Variants in MARCHF11 observed in about 807,000 individuals in gnomAD.
MARCHF11 encodes E3 ubiquitin-protein ligase MARCHF11.
In MARCHF11, 29 loss-of-function variants were observed where a neutral mutation model predicts 37.3. That is an observed-to-expected ratio of 0.78 (90% CI 0.58 to 1.06). MARCHF11 has a LOEUF of 1.06. Ranked by LOEUF, MARCHF11 falls within the 50% of genes least tolerant of loss-of-function variation. The pLI, the probability that MARCHF11 is intolerant of heterozygous loss-of-function variation, is 0.00. For missense variants in MARCHF11, 482 were observed against 533.4 expected (o/e 0.90, Z 0.95); for synonymous variants, 233 against 228.0 (o/e 1.02, Z -0.20).
chr5:16,157,220 C>T (rs1330449716), intron 2 of MARCHF11, among the ~76,000 whole-genome samples: 5 of 110,862 alleles, frequency 4.5e-5, no homozygotes, highest in African/African-American at 1.0e-4. Flanking sequence ...AATGAAATCC[C>T]GTGTTTGTGG....
At chr5:16,126,945 C>T (rs1225864919) in intron 2 of MARCHF11, among the ~76,000 whole-genome samples, 3 of 152,118 alleles carry the variant, frequency 2.0e-5, no homozygotes, top group Non-Finnish European at 2.9e-5. Flanking sequence ...TTTAAGGGGT[C>T]ATAAATTTTT....
Position 16,132,349 on chromosome 5 carries a change from C to T in MARCHF11, c.694-41268G>A, listed in dbSNP as rs150291829. On this transcript the variant is annotated intron_variant, in intron 2 of 3. Transcript: ENST00000332432. ...GCCAGCCAGGTGGGTCCCAACAGTC[C>T]GACTTAGTACCTGTGCCAGGGTTCC... Among the ~76,000 whole-genome samples the T allele has an allele frequency of 1.9e-3, 294 of 152,230 alleles. 1 individual carries two copies. The highest frequency in any genetic ancestry group is 6.8e-3 in the African/African-American group (282 of 41,542).
At chr5:16,102,497 G>A (rs997362499) in intron 2 of MARCHF11, among the ~76,000 whole-genome samples, 1 of 152,148 alleles carries the variant, frequency 6.6e-6, no homozygotes, top group African/African-American at 2.4e-5. Context: ...CAACACACAC[G>A]CACAGAAGAG....
intron 2 of MARCHF11, chr5:16,141,159 C>T (rs893490033): frequency 6.6e-6 from 1 of 152,180 alleles, no homozygotes; most frequent in Non-Finnish European, 1.5e-5. Context: ...CATCTCCCTG[C>T]TTCTTCCCAC....
chr5:16,151,567 C>A, intron 2 of MARCHF11, among the ~76,000 whole-genome samples: 1 of 136,112 alleles, frequency 7.3e-6, no homozygotes, highest in African/African-American at 2.9e-5. Context: ...TGTCTCCTAG[C>A]AGAACAAAAA....
intron 2 of MARCHF11, among the ~76,000 whole-genome samples, chr5:16,115,096 T>G (rs1344532393): frequency 6.6e-6 from 1 of 152,228 alleles, no homozygotes; most frequent in African/African-American, 2.4e-5. Context: ...TCATGAATCT[T>G]GACTGCAGTA....
At position 16,177,769 on chromosome 5, in the gene MARCHF11, T is replaced by C. The variant is rs1738386986; in HGVS notation, c.650A>G (p.Tyr217Cys). ...TTTAATGGCTATAACATGGTATCTA[T>C]AACAGCAAAGTTCACAGGTCCAGGA... ...RGSWTCELCC[Y>C]RYHVIAIKMK... The change falls in exon 2 of 4, where the codon TAT becomes TGT. Residue 217 changes from tyrosine (Y) to cysteine (C), a missense_variant. Physicochemically the swap from Tyr to Cys is radical, Grantham distance 194. Transcript: ENST00000332432. The C allele has an allele frequency of 5.6e-6, 9 of 1,613,618 alleles. No individual in the cohort carries two copies. Among genetic ancestry groups the C allele is most frequent in the South Asian group, 1.1e-5 (1 of 91,010 alleles).
intron 2 of MARCHF11, among the ~76,000 whole-genome samples, chr5:16,159,319 T>C (rs998775551): frequency 2.6e-5 from 4 of 151,946 alleles, no homozygotes; most frequent in African/African-American, 9.7e-5. Flanking sequence ...CACAGTTAAA[T>C]TGATTTTCCC....
intron 3 of MARCHF11, among the ~76,000 whole-genome samples, chr5:16,077,834 T>C (rs982610005): frequency 3.3e-5 from 5 of 152,200 alleles, no homozygotes; most frequent in Non-Finnish European, 7.3e-5. Flanking sequence ...TGGTATGGTG[T>C]ATTCCGTGTT....
At chr5:16,172,875 C>T (rs890203692) in intron 2 of MARCHF11, among the ~76,000 whole-genome samples, 1 of 152,270 alleles carries the variant, frequency 6.6e-6, no homozygotes, top group Non-Finnish European at 1.5e-5. Context: ...GCCAAATAAA[C>T]CCACCTGCTA....
chr5:16,094,607 G>T, intron 2 of MARCHF11, among the ~76,000 whole-genome samples: 1 of 151,956 alleles, frequency 6.6e-6, no homozygotes, highest in Non-Finnish European at 1.5e-5. Context: ...AGCCAGATTG[G>T]CTCTAAATAG....
intron 3 of MARCHF11, among the ~76,000 whole-genome samples, chr5:16,075,200 A>T (rs1736497233): frequency 1.3e-5 from 2 of 152,026 alleles, no homozygotes; most frequent in African/African-American, 4.8e-5. Flanking sequence ...AGACAACACA[A>T]CTCCTCTCTG....
At position 16,173,672 on chromosome 5, in the gene MARCHF11, T is replaced by A. The variant is rs115600615; in HGVS notation, c.693+4054A>T. On this transcript the variant is annotated intron_variant, in intron 2 of 3. Coordinates refer to ENST00000332432, the MANE Select transcript of MARCHF11 (RefSeq NM_001102562.3). ...AAGAAGGATATGGAAAGAGAAGCCA[T>A]GAACTTCACTTTGGTGACACAATGA... Among the ~76,000 whole-genome samples, 6 of 152,276 alleles carry A rather than the reference T, an allele frequency of 3.9e-5. No homozygotes were observed. In the South Asian group the frequency reaches 1.0e-3, roughly 26 times the overall value.
At chr5:16,084,659 A>G (rs1736665017) in intron 3 of MARCHF11, among the ~76,000 whole-genome samples, 1 of 152,108 alleles carries the variant, frequency 6.6e-6, no homozygotes, top group Non-Finnish European at 1.5e-5. Context: ...ACAAAAAAAA[A>G]AAAGAATTTA....
chr5:16,068,149 G>T (rs1736380025), intron 3 of MARCHF11, among the ~76,000 whole-genome samples: 2 of 152,104 alleles, frequency 1.3e-5, no homozygotes, highest in Non-Finnish European at 1.5e-5. Flanking sequence ...TCATTGTGTG[G>T]CCAAGCAATG....
At chr5:16,134,341 A>G (rs1388113842) in intron 2 of MARCHF11, among the ~76,000 whole-genome samples, 1 of 152,076 alleles carries the variant, frequency 6.6e-6, no homozygotes, top group Non-Finnish European at 1.5e-5. Context: ...TCATGAGTGG[A>G]TTATTGCCAA....
chr5:16,077,597 A>G (rs1175488799), intron 3 of MARCHF11, among the ~76,000 whole-genome samples: 3 of 152,202 alleles, frequency 2.0e-5, no homozygotes, highest in Non-Finnish European at 2.9e-5. Flanking sequence ...GTATAATTAA[A>G]ATTTGTAACT....
At chr5:16,107,710 C>A (rs1405204193) in intron 2 of MARCHF11, among the ~76,000 whole-genome samples, 1 of 151,934 alleles carries the variant, frequency 6.6e-6, no homozygotes, top group Non-Finnish European at 1.5e-5. Flanking sequence ...ATCCTGTACC[C>A]ATATAAATAC....
chr5:16,073,726 T>C (rs1007025266), intron 3 of MARCHF11, among the ~76,000 whole-genome samples: 4 of 152,112 alleles, frequency 2.6e-5, no homozygotes, highest in Middle Eastern at 6.8e-3. Flanking sequence ...TCACAAAACA[T>C]AGCTGTCATA....
Sources: gnomAD v4.1 joint callset for allele counts (sites outside exome capture counted in the v4.1 genomes callset) on GRCh38, gnomAD v4.1.1 for gene constraint, MANE v1.5 for transcripts, NCBI Gene and HGNC (gene_info 2026-07-23, HGNC 2026-07-21) for gene names.